The following NKAIN3 variants were observed in gnomAD, a reference collection of about 807,000 sequenced individuals.
NKAIN3 encodes sodium/potassium-transporting ATPase subunit beta-1-interacting protein 3.
NKAIN3 carries 25 observed loss-of-function variants against 30.2 expected under a neutral mutation model. That is an observed-to-expected ratio of 0.83 (90% CI 0.60 to 1.16). The LOEUF (loss-of-function observed/expected upper bound fraction) is 1.16, where lower values mean the gene tolerates loss of function less well. Ranked by LOEUF, NKAIN3 falls within the 50% of genes most tolerant of loss-of-function variation. The probability of loss-of-function intolerance (pLI) is 0.00; values close to 1 mark genes in which losing one functional copy is unlikely to be tolerated. For missense variants in NKAIN3, 225 were observed against 254.1 expected (o/e 0.89, Z 0.78); for synonymous variants, 91 against 89.6 (o/e 1.02, Z -0.09).
At chr8:62,683,023 T>A (rs145558500) in intron 3 of NKAIN3, among the ~76,000 whole-genome samples, 15,954 of 152,064 alleles carry the variant, frequency 0.1, 982 homozygotes, top group East Asian at 0.25. Flanking sequence ...GTTTGTTTGT[T>A]TTTTTGTTTG....
In NKAIN3 at chr8:62,977,536, A is replaced by G. The variant is rs1473510126; in HGVS notation, c.*12129A>G. On this transcript the variant is annotated 3_prime_UTR_variant, in exon 7 of 7. Coordinates refer to ENST00000623646, the MANE Select transcript of NKAIN3 (RefSeq NM_001304533.3). ...ATGAAGTTCTCGTGCTGTGTTTTTCAGCTCCATCAGGTCATTTGTGTTCTT... is the reference window on the plus strand; with the variant it reads ...ATGAAGTTCTCGTGCTGTGTTTTTCGGCTCCATCAGGTCATTTGTGTTCTT... Among the ~76,000 whole-genome samples, 1 of 151,846 alleles carries G rather than the reference A, an allele frequency of 6.6e-6. No homozygotes were observed. Among genetic ancestry groups the G allele is most frequent in the Non-Finnish European group, 1.5e-5 (1 of 67,990 alleles).
chr8:62,343,660 A>G (rs1815829456), intron 1 of NKAIN3, among the ~76,000 whole-genome samples: 1 of 151,880 alleles, frequency 6.6e-6, no homozygotes, highest in African/African-American at 2.4e-5. Flanking sequence ...AAAATTTTTT[A>G]ATTAACTGGG....
chr8:62,469,314 A>G (rs1343086846), intron 1 of NKAIN3, among the ~76,000 whole-genome samples: 1 of 152,172 alleles, frequency 6.6e-6, no homozygotes, highest in Non-Finnish European at 1.5e-5. Flanking sequence ...TCTCATCCTT[A>G]AAAAACAATG....
chr8:62,955,590 A>G (rs16929941), intron 6 of NKAIN3, among the ~76,000 whole-genome samples: 13,561 of 152,216 alleles, frequency 0.089, 844 homozygotes, highest in East Asian at 0.28. Context: ...AATTTAAGAG[A>G]GATCCTTCTA....
At chr8:62,598,330 C>A (rs146213440) in intron 3 of NKAIN3, among the ~76,000 whole-genome samples, 1 of 152,050 alleles carries the variant, frequency 6.6e-6, no homozygotes, top group South Asian at 2.1e-4. Context: ...TAAAGCTGCC[C>A]CCTGTGGGTG....
At chr8:62,957,271 C>T (rs1823444195) in intron 6 of NKAIN3, among the ~76,000 whole-genome samples, 1 of 151,998 alleles carries the variant, frequency 6.6e-6, no homozygotes, top group East Asian at 1.9e-4. Context: ...GTAGCTGGGA[C>T]TATAGGCGCC....
At chr8:62,421,239 G>T (rs577207221) in intron 1 of NKAIN3, among the ~76,000 whole-genome samples, 1 of 152,270 alleles carries the variant, frequency 6.6e-6, no homozygotes, top group Admixed American at 6.5e-5. Flanking sequence ...TCTGGCTATA[G>T]CCCAGCCAGG....
intron 1 of NKAIN3, among the ~76,000 whole-genome samples, chr8:62,403,416 T>A (rs985203266): frequency 6.6e-6 from 1 of 152,172 alleles, no homozygotes; most frequent in African/African-American, 2.4e-5. Context: ...TGGCAGCCCC[T>A]TTCATTACAG....
chr8:62,697,517 T>G (rs1329062043), intron 3 of NKAIN3, among the ~76,000 whole-genome samples: 11 of 152,162 alleles, frequency 7.2e-5, no homozygotes, highest in Non-Finnish European at 1.5e-4. Context: ...ACTGAATTCT[T>G]TTTTTTACAT....
At chr8:62,483,151 CAAAG>C (rs1428656952) in intron 1 of NKAIN3, 1 of 152,200 alleles carries the variant, frequency 6.6e-6, no homozygotes, top group East Asian at 1.9e-4. Flanking sequence ...ATTTTTAAAA[CAAAG>C]AAAGCAGAAC....
intron 3 of NKAIN3, among the ~76,000 whole-genome samples, chr8:62,640,872 G>A (rs77077010): frequency 0.11 from 16,444 of 151,984 alleles, 1,057 homozygotes; most frequent in East Asian, 0.32. Flanking sequence ...TTCTTAAATC[G>A]AAGCTGAAAA....
chr8:62,367,111 A>G (rs1182313567), intron 1 of NKAIN3, among the ~76,000 whole-genome samples: 1 of 152,206 alleles, frequency 6.6e-6, no homozygotes, highest in African/African-American at 2.4e-5. Flanking sequence ...ATATCTTAAC[A>G]TATGATTTAT....
chr8:62,955,398 T>C (rs1760295503), intron 6 of NKAIN3, among the ~76,000 whole-genome samples: 1 of 152,116 alleles, frequency 6.6e-6, no homozygotes, highest in South Asian at 2.1e-4. Flanking sequence ...TTGTCAGGGA[T>C]TGTGACAATA....
intron 1 of NKAIN3, among the ~76,000 whole-genome samples, chr8:62,406,984 T>C (rs139169010): frequency 4.6e-5 from 7 of 152,340 alleles, no homozygotes; most frequent in African/African-American, 1.4e-4. Flanking sequence ...ACAATGCTGA[T>C]ACTGTCATCA....
chr8:62,509,157 G>A (rs915048125), intron 1 of NKAIN3, among the ~76,000 whole-genome samples: 2 of 152,100 alleles, frequency 1.3e-5, no homozygotes, highest in African/African-American at 4.8e-5. Context: ...GATGACTAAG[G>A]CATTGATCAT....
intron 4 of NKAIN3, among the ~76,000 whole-genome samples, chr8:62,807,400 G>A (rs1250224351): frequency 2.0e-5 from 3 of 151,796 alleles, no homozygotes; most frequent in Non-Finnish European, 2.9e-5. Context: ...TTAAATTTTT[G>A]TGTGTCTATT....
At chr8:62,427,253 A>G (rs1293208512) in intron 1 of NKAIN3, among the ~76,000 whole-genome samples, 1 of 152,042 alleles carries the variant, frequency 6.6e-6, no homozygotes, top group Non-Finnish European at 1.5e-5. Context: ...GAAACAAAAT[A>G]TTACAAGAGA....
At chr8:62,393,835 G>A (rs1457899189) in intron 1 of NKAIN3, among the ~76,000 whole-genome samples, 1 of 152,048 alleles carries the variant, frequency 6.6e-6, no homozygotes, top group Non-Finnish European at 1.5e-5. Context: ...ATTTGTAAGA[G>A]TTTTTCTTTT....
At chr8:62,713,931 A>C (rs549245689) in intron 3 of NKAIN3, among the ~76,000 whole-genome samples, 3 of 152,298 alleles carry the variant, frequency 2.0e-5, no homozygotes, top group East Asian at 1.9e-4. Context: ...GAATTATATA[A>C]AACCACTAGA....
Sources: allele counts gnomAD v4.1 joint callset (sites outside exome capture counted in the v4.1 genomes callset), GRCh38; gene constraint gnomAD v4.1.1; transcripts MANE v1.5; gene names NCBI Gene and HGNC (gene_info 2026-07-23, HGNC 2026-07-21).